Variants in INPP4A observed in about 807,000 individuals in gnomAD.
The protein encoded by INPP4A is inositol polyphosphate-4-phosphatase, type I, 107kD.
In INPP4A, 33 loss-of-function variants were observed where a neutral mutation model predicts 119.8. The ratio of observed to expected loss-of-function variants is 0.28; its 90% CI spans 0.21 to 0.37. The LOEUF is 0.37. Ranked by LOEUF, INPP4A falls within the 10% of genes least tolerant of loss-of-function variation. The pLI, the probability that INPP4A is intolerant of heterozygous loss-of-function variation, is 1.00. For missense variants in INPP4A, 956 were observed against 1,289.9 expected (o/e 0.74, Z 3.97); for synonymous variants, 496 against 500.7 (o/e 0.99, Z 0.12).
chr2:98,587,327 T>C (rs1394433990), intron 24 of INPP4A, 149 bp from the exon 25 acceptor site: 1 of 757,438 alleles, frequency 1.3e-6, no homozygotes, highest in African/African-American at 1.8e-5. Context: ...CCATCTTACA[T>C]ATGTATTTGT....
intron 1 of INPP4A, among the ~76,000 whole-genome samples, chr2:98,492,757 T>C (rs992957709): frequency 1.3e-5 from 2 of 152,210 alleles, no homozygotes; most frequent in African/African-American, 2.4e-5. Flanking sequence ...CAGTTCGATA[T>C]CTGAGGGACT....
At chr2:98,574,365 C>T (rs907920060) in intron 23 of INPP4A, among the ~76,000 whole-genome samples, 7 of 152,114 alleles carry the variant, frequency 4.6e-5, no homozygotes, top group African/African-American at 1.4e-4. Context: ...TGGCCGGGCT[C>T]GGTGGCTCAC....
chr2:98,456,941 C>T (rs1193649263), intron 1 of INPP4A, among the ~76,000 whole-genome samples: 1 of 152,116 alleles, frequency 6.6e-6, no homozygotes, highest in Non-Finnish European at 1.5e-5. Flanking sequence ...GAGAAGAAAG[C>T]CAGTGGATGG....
intron 1 of INPP4A, among the ~76,000 whole-genome samples, chr2:98,445,387 C>T (rs981463956): frequency 1.3e-5 from 2 of 152,198 alleles, no homozygotes; most frequent in Non-Finnish European, 2.9e-5. Flanking sequence ...CCCGATGCGG[C>T]TCCAGGGCTG....
intron 1 of INPP4A, among the ~76,000 whole-genome samples, chr2:98,447,282 T>C (rs932071067): frequency 6.6e-6 from 1 of 152,172 alleles, no homozygotes; most frequent in African/African-American, 2.4e-5. Flanking sequence ...ATAGCACAAA[T>C]CTGCAGCGAA....
At position 98,463,666 on chromosome 2, in the gene INPP4A, G is replaced by C. The variant is rs374699188; in HGVS notation, c.-166+18581G>C. Among the ~76,000 whole-genome samples, 56 of 152,362 alleles carry C rather than the reference G, an allele frequency of 3.7e-4. 1 individual carries two copies. Among genetic ancestry groups the C allele is most frequent in the African/African-American group, 1.3e-3 (54 of 41,588 alleles). ...ACTTGTGGAGCTGGCCCTGGGGTCTGTCTGTAGGAGAGCAGGAAGTAGTAG... is the reference window on the plus strand; with the variant it reads ...ACTTGTGGAGCTGGCCCTGGGGTCTCTCTGTAGGAGAGCAGGAAGTAGTAG... On this transcript the variant is annotated intron_variant, in intron 1 of 24. Coordinates refer to ENST00000409851, the MANE Select transcript of INPP4A (RefSeq NM_001134225.2).
Position 98,594,028 on chromosome 2 carries a change from G to A in INPP4A, c.*6420G>A, listed in dbSNP as rs1700507640. The A allele has an allele frequency of 6.6e-6, 1 of 152,254 alleles. No individual in the cohort carries two copies. Among genetic ancestry groups the A allele is most frequent in the Non-Finnish European group, 1.5e-5 (1 of 68,056 alleles). The allele number at this position is 152,254 out of a possible 1,614,324, so 9.4% of individuals were successfully genotyped here. On this transcript the variant is annotated 3_prime_UTR_variant, in exon 25 of 25. Transcript: ENST00000409851. ...CAAGAGCAAGTGTAATGCCCGCTGT[G>A]AAGGAGCTAAAGTTTGTTGAATAAA...
intron 13 of INPP4A, among the ~76,000 whole-genome samples, chr2:98,551,360 A>C (rs1299655998): frequency 6.6e-6 from 1 of 152,200 alleles, no homozygotes; most frequent in Non-Finnish European, 1.5e-5. Context: ...TAGTGTGCAC[A>C]TCATGCTGTG....
chr2:98,565,943 T>A, intron 20 of INPP4A, 86 bp from the exon 21 acceptor site: 2 of 1,520,648 alleles, frequency 1.3e-6, no homozygotes, highest in Non-Finnish European at 1.8e-6. Context: ...TGGCCATCAC[T>A]AAGCCAGAGG....
intron 1 of INPP4A, among the ~76,000 whole-genome samples, chr2:98,457,978 ATTT>A (rs766066774): frequency 1.6e-4 from 22 of 137,138 alleles, no homozygotes; most frequent in South Asian, 2.3e-4. Flanking sequence ...TTAAACAAAA[ATTT>A]TTTTTTTTTT....
At position 98,572,757 on chromosome 2, in the gene INPP4A, C is replaced by T. The variant is rs1338387484; in HGVS notation, c.2519-58C>T. On this transcript the variant is annotated intron_variant, in intron 22 of 24. Coordinates refer to ENST00000409851, the MANE Select transcript of INPP4A (RefSeq NM_001134225.2). The stretch of plus-strand genomic sequence containing the variant: ...AGCAGCTCACTTGGGTGGGCTCCCT[C>T]TGCCGGGGGAGTTCCTGGGTGCGTC... 7 of 1,282,308 alleles carry T rather than the reference C, an allele frequency of 5.5e-6. No homozygotes were observed. In the African/African-American group the frequency reaches 8.9e-5, roughly 16 times the overall value. 79.4% of individuals were successfully genotyped at this position (1,282,308 alleles called of 1,614,324 possible).
intron 1 of INPP4A, among the ~76,000 whole-genome samples, chr2:98,453,847 C>T (rs1448743505): frequency 1.3e-5 from 2 of 152,184 alleles, no homozygotes; most frequent in African/African-American, 2.4e-5. Flanking sequence ...CACAGCCACA[C>T]TGACAGACAG....
chr2:98,538,848 T>C (rs1261927987), intron 8 of INPP4A, 43 bp from the exon 9 acceptor site: 7 of 1,170,338 alleles, frequency 6.0e-6, no homozygotes, highest in East Asian at 2.4e-5. Flanking sequence ...TGGAGTCATC[T>C]GAATCTCACA....
intron 1 of INPP4A, among the ~76,000 whole-genome samples, chr2:98,492,148 C>A (rs1357047260): frequency 6.6e-6 from 1 of 152,186 alleles, no homozygotes; most frequent in Non-Finnish European, 1.5e-5. Context: ...CTCAGCCTCC[C>A]AAACTGCTGG....
At chr2:98,536,453 C>T (rs1404002442) in intron 7 of INPP4A, among the ~76,000 whole-genome samples, 1 of 152,198 alleles carries the variant, frequency 6.6e-6, no homozygotes, top group Non-Finnish European at 1.5e-5. Context: ...GGCCTAGATA[C>T]ATATCTAGTA....
At chr2:98,490,801 G>A (rs184473285) in intron 1 of INPP4A, among the ~76,000 whole-genome samples, 4 of 152,102 alleles carry the variant, frequency 2.6e-5, no homozygotes, top group South Asian at 2.1e-4. Flanking sequence ...GCCTGCCTCC[G>A]GCCAAACAAC....
chr2:98,448,059 A>C (rs1694527573), intron 1 of INPP4A, among the ~76,000 whole-genome samples: 2 of 150,952 alleles, frequency 1.3e-5, no homozygotes, highest in African/African-American at 4.9e-5. Flanking sequence ...AAAAAAAAAA[A>C]AAAAAAAAAA....
At chr2:98,531,675 G>A (rs1306789848) in intron 4 of INPP4A, among the ~76,000 whole-genome samples, 4 of 152,116 alleles carry the variant, frequency 2.6e-5, no homozygotes, top group Admixed American at 2.6e-4. Context: ...AAAAACAGAG[G>A]CCTAGGCACA....
chr2:98,458,742 G>T, intron 1 of INPP4A, among the ~76,000 whole-genome samples: 1 of 152,186 alleles, frequency 6.6e-6, no homozygotes, highest in East Asian at 1.9e-4. Context: ...AAAAGGTGTT[G>T]GGACCCCTAA....
Sources: gnomAD v4.1 joint callset for allele counts (sites outside exome capture counted in the v4.1 genomes callset) on GRCh38, gnomAD v4.1.1 for gene constraint, MANE v1.5 for transcripts, NCBI Gene and HGNC (gene_info 2026-07-23, HGNC 2026-07-21) for gene names.